ILDR1: variants seen among roughly 807,000 people sequenced by gnomAD.
ILDR1 encodes immunoglobulin like domain containing receptor 1, also known as immunoglobulin-like domain-containing receptor 1.
ILDR1 carries 56 observed loss-of-function variants against 62.4 expected under a neutral mutation model. The ratio of observed to expected loss-of-function variants is 0.90; its 90% CI spans 0.72 to 1.12. ILDR1 has a LOEUF of 1.12. ILDR1 is among the 50% of genes most tolerant of loss of function. The probability of loss-of-function intolerance (pLI) is 0.00; values close to 1 mark genes in which losing one functional copy is unlikely to be tolerated. For missense variants in ILDR1, 736 were observed against 710.6 expected, an observed-to-expected ratio of 1.04 and a Z score of -0.41; for synonymous variants, 284 against 277.8, an observed-to-expected ratio of 1.02 and a Z score of -0.22.
At chr3:122,024,334 C>T (rs760376934), upstream of ILDR1, among the ~76,000 whole-genome samples, 1 of 152,162 alleles carries the variant, frequency 6.6e-6, no homozygotes, top group African/African-American at 2.4e-5. Flanking sequence ...GGCAGATGCT[C>T]CACAGAACTT....
At chr3:122,009,147 T>G (rs1366831953) in intron 1 of ILDR1, among the ~76,000 whole-genome samples, 9 of 150,070 alleles carry the variant, frequency 6.0e-5, no homozygotes, top group African/African-American at 9.8e-5. Flanking sequence ...CCCAGGCTGG[T>G]CTTGAACTCC....
At chr3:122,048,558 C>T in the ILDR1 span, among the ~76,000 whole-genome samples, 1 of 152,136 alleles carries the variant, frequency 6.6e-6, no homozygotes, top group African/African-American at 2.4e-5. Context: ...TGGTCTTGAG[C>T]TTTTCTTTAA....
At chr3:122,055,301 C>A in the ILDR1 span, 1 of 583,742 alleles carries the variant, frequency 1.7e-6, no homozygotes, top group Non-Finnish European at 3.1e-6. Context: ...CAAGTGTGGT[C>A]AAAATCTGTA....
At chr3:122,003,814 C>T (rs1004773242) in intron 3 of ILDR1, among the ~76,000 whole-genome samples, 6 of 152,018 alleles carry the variant, frequency 3.9e-5, no homozygotes, top group Admixed American at 6.5e-5. Flanking sequence ...CAGGGACTAG[C>T]TACTATGGGG....
chr3:122,059,531 G>A, the ILDR1 span, among the ~76,000 whole-genome samples: 2,320 of 142,392 alleles, frequency 0.016, 64 homozygotes, highest in African/African-American at 0.056. Context: ...GTGAGACTCC[G>A]TCTCAAAAAA....
chr3:122,034,450 T>C, the ILDR1 span, among the ~76,000 whole-genome samples: 1 of 152,256 alleles, frequency 6.6e-6, no homozygotes, highest in South Asian at 2.1e-4. Context: ...CAACAAAATC[T>C]GGAAAAAGCA....
chr3:122,045,425 C>T, the ILDR1 span, among the ~76,000 whole-genome samples: 3 of 152,090 alleles, frequency 2.0e-5, no homozygotes, highest in African/African-American at 7.2e-5. Context: ...CTGTAGATGT[C>T]TATTAGGTCC....
chr3:121,990,700 C>G (rs2107638162), intron 7 of ILDR1, among the ~76,000 whole-genome samples: 1 of 152,240 alleles, frequency 6.6e-6, no homozygotes, highest in African/African-American at 2.4e-5. Context: ...AGTGATCCTC[C>G]TATACTCCTG....
intron 7 of ILDR1, among the ~76,000 whole-genome samples, chr3:121,991,698 C>G (rs371748699): frequency 1.3e-5 from 2 of 152,194 alleles, no homozygotes; most frequent in African/African-American, 4.8e-5. Context: ...TTAATTATTA[C>G]AGAAATGTCT....
chr3:121,998,857 C>T (rs966998499), intron 5 of ILDR1, among the ~76,000 whole-genome samples: 3 of 152,198 alleles, frequency 2.0e-5, no homozygotes, highest in Non-Finnish European at 4.4e-5. Context: ...CCTACAGAGG[C>T]TGTGGCAGTC....
Position 121,994,319 on chromosome 3 carries a change from G to A in ILDR1, c.647-6C>T. ...GTAGCGGTGGCGGGCCAGGGCTGCA[G>A]GGAAAGAAGGAGAAATGCAGGCCCT... On this transcript the variant is annotated splice_polypyrimidine_tract_variant and splice_region_variant and intron_variant, in intron 5 of 7. Coordinates refer to ENST00000344209, the MANE Select transcript of ILDR1 (RefSeq NM_001199799.2). 6.5e-7 allele frequency: 1 copy of A among 1,530,324 alleles called. No homozygotes were observed. The highest frequency in any genetic ancestry group is 8.8e-7 in the Non-Finnish European group (1 of 1,142,688). 94.8% of individuals were successfully genotyped at this position (1,530,324 alleles called of 1,614,324 possible). A position where few individuals can be genotyped will look rare whatever the true frequency, so the allele number is the denominator to read the frequency against.
At chr3:121,988,558 T>C (rs979561236) in intron 7 of ILDR1, 150 bp from the exon 8 acceptor site, 5 of 699,488 alleles carry the variant, frequency 7.1e-6, no homozygotes, top group African/African-American at 1.8e-5. Context: ...ATTTCTTTAC[T>C]CTTCATGAAA....
At chr3:122,011,654 T>TTCTCTC (rs142396206) in intron 1 of ILDR1, among the ~76,000 whole-genome samples, 1 of 67,630 alleles carries the variant, frequency 1.5e-5, no homozygotes, top group Non-Finnish European at 3.2e-5. Context: ...CTGTCTCTCT[T>TTCTCTC]TCTCTCTCTC....
intron 5 of ILDR1, among the ~76,000 whole-genome samples, chr3:121,994,905 A>C (rs75560655): frequency 0.011 from 1,697 of 152,316 alleles, 79 homozygotes; most frequent in Admixed American, 0.075. Flanking sequence ...AAAAAGCTCA[A>C]GTAGATTCCA....
intron 3 of ILDR1, among the ~76,000 whole-genome samples, chr3:122,003,241 C>T (rs2071554794): frequency 6.6e-6 from 1 of 152,202 alleles, no homozygotes; most frequent in Non-Finnish European, 1.5e-5. Flanking sequence ...TCTTTATTAT[C>T]TGTTTGTCAA....
At chr3:122,044,569 C>G in the ILDR1 span, among the ~76,000 whole-genome samples, 1 of 151,340 alleles carries the variant, frequency 6.6e-6, no homozygotes, top group Non-Finnish European at 1.5e-5. Flanking sequence ...GGTTGGTAAA[C>G]TATTGATTAT....
chr3:122,016,765 G>T (rs1035553005), intron 1 of ILDR1, among the ~76,000 whole-genome samples: 5 of 152,198 alleles, frequency 3.3e-5, no homozygotes, highest in African/African-American at 9.6e-5. Context: ...ACTCAGGTAG[G>T]TTTAACCTAT....
chr3:122,002,302 G>C (rs1046345930), intron 3 of ILDR1, among the ~76,000 whole-genome samples: 7 of 152,110 alleles, frequency 4.6e-5, no homozygotes, highest in African/African-American at 1.7e-4. Flanking sequence ...ATAACATGGA[G>C]ACAATGCTCA....
At chr3:122,053,264 G>T in the ILDR1 span, among the ~76,000 whole-genome samples, 12 of 152,150 alleles carry the variant, frequency 7.9e-5, no homozygotes. Flanking sequence ...CTTCCTTGAA[G>T]AAATGTCTGT....
Sources: gnomAD v4.1 joint callset for allele counts (sites outside exome capture counted in the v4.1 genomes callset) on GRCh38, gnomAD v4.1.1 for gene constraint, MANE v1.5 for transcripts, NCBI Gene and HGNC (gene_info 2026-07-23, HGNC 2026-07-21) for gene names.